Variants in PTPRD observed in about 807,000 individuals in gnomAD.
The protein encoded by PTPRD is receptor-type tyrosine-protein phosphatase delta.
PTPRD carries 34 observed loss-of-function variants against 214.5 expected under a neutral mutation model. The ratio of observed to expected loss-of-function variants is 0.16; its 90% CI spans 0.12 to 0.21. The LOEUF (loss-of-function observed/expected upper bound fraction) is 0.21, where lower values mean the gene tolerates loss of function less well. PTPRD is among the 10% of genes least tolerant of loss of function. PTPRD has a pLI of 1.00. For synonymous variants in PTPRD, 1,128 were observed against 845.7 expected (o/e 1.33, Z -5.79); for missense variants, 2,545 against 2,398.7 (o/e 1.06, Z -1.27).
chr9:8,767,117 C>G (rs934338721), intron 11 of PTPRD, among the ~76,000 whole-genome samples: 33 of 151,984 alleles, frequency 2.2e-4, no homozygotes, highest in African/African-American at 7.2e-4. Context: ...TATTTCCCCA[C>G]TTTTTTTTCT....
intron 8 of PTPRD, among the ~76,000 whole-genome samples, chr9:9,400,821 TAAAAG>T (rs778275722): frequency 1.3e-5 from 2 of 152,054 alleles, no homozygotes; most frequent in African/African-American, 4.8e-5. Flanking sequence ...AAGTTTCTCT[TAAAAG>T]AAGTTTCCTG....
At chr9:10,437,108 G>C (rs1193962860) in intron 2 of PTPRD, among the ~76,000 whole-genome samples, 1 of 151,624 alleles carries the variant, frequency 6.6e-6, no homozygotes, top group African/African-American at 2.4e-5. Context: ...CTGAAGAATG[G>C]TACATTTACA....
intron 12 of PTPRD, among the ~76,000 whole-genome samples, chr9:8,697,471 G>A (rs189511475): frequency 7.6e-6 from 1 of 131,660 alleles, no homozygotes; most frequent in African/African-American, 2.9e-5. Context: ...CACCTAGGCT[G>A]GAGTGCAGTG....
chr9:9,614,058 G>A (rs1048739085), intron 7 of PTPRD, among the ~76,000 whole-genome samples: 9 of 152,028 alleles, frequency 5.9e-5, no homozygotes, highest in African/African-American at 2.2e-4. Context: ...ACTCAGTACA[G>A]TGTCTGGCAT....
At chr9:10,138,171 T>C (rs1467732908) in intron 3 of PTPRD, among the ~76,000 whole-genome samples, 1 of 151,876 alleles carries the variant, frequency 6.6e-6, no homozygotes, top group Non-Finnish European at 1.5e-5. Flanking sequence ...AGAGATAAGA[T>C]CTAAGTAACC....
chr9:10,210,656 CAT>C (rs550743547), intron 3 of PTPRD, among the ~76,000 whole-genome samples: 28 of 149,750 alleles, frequency 1.9e-4, no homozygotes, highest in African/African-American at 4.4e-4. Context: ...TATATACACA[CAT>C]ATGTTTATAT....
chr9:9,093,046 G>A (rs939081028), intron 10 of PTPRD, among the ~76,000 whole-genome samples: 1 of 151,924 alleles, frequency 6.6e-6, no homozygotes, highest in Non-Finnish European at 1.5e-5. Context: ...AAGCAGAAAC[G>A]GCTATACTAA....
rs150014003 is a variant in PTPRD at position 8,618,698 on chromosome 9, T to A, written c.352+14619A>T. On this transcript the variant is annotated intron_variant, in intron 14 of 45. Transcript: ENST00000381196. Reference sequence around the variant, plus strand: ...TTAAGAAATATCTTTATTAATTTACTTATTTATTCTTGTTTTTAGACAGAG... The same window carrying A: ...TTAAGAAATATCTTTATTAATTTACATATTTATTCTTGTTTTTAGACAGAG... Among the ~76,000 whole-genome samples, 180 of 152,076 alleles carry A rather than the reference T, an allele frequency of 1.2e-3. 1 individual carries two copies. Among genetic ancestry groups the A allele is most frequent in the African/African-American group, 4.3e-3 (177 of 41,522 alleles).
chr9:9,730,982 T>C (rs895000737), intron 7 of PTPRD, among the ~76,000 whole-genome samples: 9 of 152,062 alleles, frequency 5.9e-5, no homozygotes, highest in African/African-American at 1.2e-4. Flanking sequence ...GAAAATAAAA[T>C]ACATGAATTG....
chr9:10,463,069 A>G (rs1250635375), intron 2 of PTPRD, among the ~76,000 whole-genome samples: 1 of 151,554 alleles, frequency 6.6e-6, no homozygotes, highest in Admixed American at 6.6e-5. Context: ...TTGCTTTTCT[A>G]AAATTTCTAA....
At position 8,960,074 on chromosome 9, in the gene PTPRD, C is replaced by A. The variant is rs552708200; in HGVS notation, c.-104+58623G>T. Among the ~76,000 whole-genome samples, 11 of 152,046 alleles carry A rather than the reference C, an allele frequency of 7.2e-5. No homozygotes were observed. In the East Asian group the frequency reaches 7.8e-4, roughly 11 times the overall value. ...AAGGCATGCTTTCAGAAATTAGATG[C>A]CTTTTAGTTCATATTCCCTTGGAAA... On this transcript the variant is annotated intron_variant, in intron 11 of 45. Transcript: ENST00000381196.
At chr9:9,556,152 T>C (rs1336095361) in intron 8 of PTPRD, among the ~76,000 whole-genome samples, 1 of 152,162 alleles carries the variant, frequency 6.6e-6, no homozygotes, top group African/African-American at 2.4e-5. Flanking sequence ...ATATGTATTA[T>C]ATATTGTATT....
intron 9 of PTPRD, among the ~76,000 whole-genome samples, chr9:9,190,296 C>T (rs1162517476): frequency 3.3e-5 from 5 of 152,012 alleles, no homozygotes; most frequent in Non-Finnish European, 7.4e-5. Context: ...AATTGTATCT[C>T]CCAGAATTCC....
chr9:9,654,262 T>C lies in PTPRD; in HGVS notation c.-286-79481A>G, dbSNP rs2096453385. Among the ~76,000 whole-genome samples the C allele has an allele frequency of 2.0e-5, 3 of 152,296 alleles. 1 individual carries two copies. The highest frequency in any genetic ancestry group is 3.9e-4 in the East Asian group (2 of 5,192). ...TAGTAAGAGTGAGAAGCTATAAAAA[T>C]AGTAAAATATGTGATGTATAATTTT... On this transcript the variant is annotated intron_variant, in intron 7 of 45. Coordinates refer to ENST00000381196, the MANE Select transcript of PTPRD (RefSeq NM_002839.4).
intron 4 of PTPRD, among the ~76,000 whole-genome samples, chr9:10,028,421 C>G (rs973975816): frequency 9.2e-5 from 14 of 152,054 alleles, no homozygotes; most frequent in Admixed American, 6.6e-5. Context: ...GTGTAACAGG[C>G]AGAGGTTGCA....
chr9:10,240,050 A>G (rs1377643160), intron 3 of PTPRD, among the ~76,000 whole-genome samples: 6 of 152,018 alleles, frequency 3.9e-5, no homozygotes, highest in Non-Finnish European at 8.8e-5. Flanking sequence ...AGAGGGATCA[A>G]GAAACATCTA....
intron 9 of PTPRD, among the ~76,000 whole-genome samples, chr9:9,286,863 G>T (rs1387902003): frequency 1.0e-5 from 1 of 96,790 alleles, no homozygotes; most frequent in African/African-American, 4.0e-5. Flanking sequence ...AGGCAGTCTT[G>T]AAACTACTGA....
rs1183213879 is a variant in PTPRD, at chr9:8,837,025, C to CT, written c.-103-103080dup. Among the ~76,000 whole-genome samples the CT allele has an allele frequency of 4.6e-3, 581 of 125,166 alleles. 1 individual carries two copies. Among genetic ancestry groups the CT allele is most frequent in the African/African-American group, 5.5e-3 (191 of 34,548 alleles). The allele number at this position is 125,166 out of a possible 152,430, so 82.1% of individuals were successfully genotyped here. On this transcript the variant is annotated intron_variant, in intron 11 of 45. Transcript: ENST00000381196. Reference sequence around the variant, plus strand: ...TACAGGCGTGAGCCACCACACCCAGCTTTTTTTTTTTTTTTTTTGAGATGG... The same window carrying CT: ...TACAGGCGTGAGCCACCACACCCAGCTTTTTTTTTTTTTTTTTTTGAGATGG...
Position 9,674,141 on chromosome 9 carries a change from G to T in PTPRD, c.-287+60392C>A, listed in dbSNP as rs1445022353. Reference sequence around the variant, plus strand: ...CTGTGTAAAATAGTATATTTGATTTGGGGAGTTAAAAATGAACAAAAGTAA... The same window carrying T: ...CTGTGTAAAATAGTATATTTGATTTTGGGAGTTAAAAATGAACAAAAGTAA... On this transcript the variant is annotated intron_variant, in intron 7 of 45. Transcript: ENST00000381196. Among the ~76,000 whole-genome samples the T allele has an allele frequency of 4.0e-5, 6 of 151,762 alleles. No individual in the cohort carries two copies. The South Asian group carries it at 6.2e-4, about 16-fold the overall frequency.
Sources: gnomAD v4.1 joint callset for allele counts (sites outside exome capture counted in the v4.1 genomes callset) on GRCh38, gnomAD v4.1.1 for gene constraint, MANE v1.5 for transcripts, NCBI Gene and HGNC (gene_info 2026-07-23, HGNC 2026-07-21) for gene names.